The following OR4F16 variants were observed in gnomAD, a reference collection of about 807,000 sequenced individuals.
OR4F16 encodes the protein olfactory receptor family 4 subfamily F member 16.
chr1:713,261 TGAAA>T, the OR4F16 span, among the ~76,000 whole-genome samples: 2 of 37,756 alleles, frequency 5.3e-5, no homozygotes, highest in African/African-American at 1.7e-4. Flanking sequence ...CATTGAAGAC[TGAAA>T]GAAAGAAAAA....
the OR4F16 span, among the ~76,000 whole-genome samples, chr1:701,732 T>C: frequency 2.7e-5 from 4 of 149,892 alleles, no homozygotes; most frequent in African/African-American, 1.0e-4. Flanking sequence ...TGAGAACTCA[T>C]GAACACAAAG....
chr1:715,776 G>A, the OR4F16 span, among the ~76,000 whole-genome samples: 2 of 147,640 alleles, frequency 1.4e-5, no homozygotes, highest in African/African-American at 2.6e-5. Context: ...AGGCTGCAAT[G>A]AGCTGTGATT....
downstream of OR4F16, among the ~76,000 whole-genome samples, chr1:682,581 GA>G (rs1642997981): frequency 9.0e-6 from 1 of 111,086 alleles, no homozygotes; most frequent in Admixed American, 9.3e-5. Flanking sequence ...CCTGCTACAG[GA>G]GGTTACCCTC....
chr1:702,455 A>G, the OR4F16 span: 937 of 140,810 alleles, frequency 6.7e-3, no homozygotes, highest in African/African-American at 0.023. Context: ...TGTATTCCTA[A>G]TTGTAATAGC....
the OR4F16 span, among the ~76,000 whole-genome samples, chr1:679,786 C>A: frequency 4.6e-5 from 3 of 65,218 alleles, no homozygotes; most frequent in African/African-American, 6.5e-5. Flanking sequence ...ACCAGAGGTA[C>A]AAAGAGGAGC....
At chr1:715,854 A>G in the OR4F16 span, among the ~76,000 whole-genome samples, 2 of 151,254 alleles carry the variant, frequency 1.3e-5, no homozygotes, top group Non-Finnish European at 2.9e-5. Flanking sequence ...AAAAATCACT[A>G]AGCAAAATAA....
At chr1:701,438 ATTAAAG>A in the OR4F16 span, among the ~76,000 whole-genome samples, 3 of 149,920 alleles carry the variant, frequency 2.0e-5, no homozygotes, top group Non-Finnish European at 4.4e-5. Flanking sequence ...CTTTTAAGAA[ATTAAAG>A]TTAGATTTAT....
the OR4F16 span, among the ~76,000 whole-genome samples, chr1:679,889 A>C: frequency 8.1e-6 from 1 of 123,386 alleles, no homozygotes; most frequent in East Asian, 2.4e-4. Flanking sequence ...TCTGGTACCA[A>C]AATTTGGCAG....
chr1:715,851 A>G, the OR4F16 span, among the ~76,000 whole-genome samples: 1 of 151,312 alleles, frequency 6.6e-6, no homozygotes, highest in Non-Finnish European at 1.5e-5. Flanking sequence ...AAGAAAAATC[A>G]CTAAGCAAAA....
chr1:682,958 AT>A (rs1259915340), downstream of OR4F16, among the ~76,000 whole-genome samples: 1 of 83,598 alleles, frequency 1.2e-5, no homozygotes, highest in African/African-American at 4.3e-5. Flanking sequence ...GAATATGTGT[AT>A]TTTTAAGCAA....
chr1:717,652 AC>A, the OR4F16 span, among the ~76,000 whole-genome samples: 2 of 13,150 alleles, frequency 1.5e-4, no homozygotes, highest in African/African-American at 2.8e-4. Flanking sequence ...TTTATTTTCT[AC>A]ATAATTTAAA....
the OR4F16 span, among the ~76,000 whole-genome samples, chr1:679,950 C>T: frequency 3.3e-4 from 44 of 135,116 alleles, 5 homozygotes; most frequent in East Asian, 2.2e-4. Context: ...TGATGAACAT[C>T]GATGCAAAAA....
upstream of OR4F16, among the ~76,000 whole-genome samples, chr1:690,941 A>G (rs2808330): frequency 0.016 from 2,090 of 129,496 alleles, 5 homozygotes; most frequent in African/African-American, 0.031. Flanking sequence ...ATAAATATTC[A>G]AGGTGATGAA....
chr1:708,740 T>C, the OR4F16 span, among the ~76,000 whole-genome samples: 6 of 21,080 alleles, frequency 2.8e-4, no homozygotes, highest in East Asian at 3.0e-3. Context: ...GTTACCCAGA[T>C]GGGCCCAGTC....
the OR4F16 span, among the ~76,000 whole-genome samples, chr1:676,900 A>T: frequency 1.8e-5 from 2 of 110,072 alleles, 1 homozygote; most frequent in Middle Eastern, 8.7e-3. Context: ...TGGGTCCCTA[A>T]CCCCCGTGTA....
chr1:701,974 C>T, the OR4F16 span: 4 of 148,814 alleles, frequency 2.7e-5, no homozygotes, highest in Admixed American at 2.7e-4. Flanking sequence ...ATGAAAAACA[C>T]AAATCTTTCA....
At chr1:701,512 G>A in the OR4F16 span, among the ~76,000 whole-genome samples, 2 of 150,326 alleles carry the variant, frequency 1.3e-5, no homozygotes, top group African/African-American at 5.0e-5. Context: ...CTTCCAGAGA[G>A]GTTCTGTCAG....
chr1:701,203 G>T, the OR4F16 span, among the ~76,000 whole-genome samples: 906 of 141,124 alleles, frequency 6.4e-3, 10 homozygotes, highest in Non-Finnish European at 9.4e-3. Context: ...TGGTCCTTAA[G>T]GAGACTGAAA....
upstream of OR4F16, among the ~76,000 whole-genome samples, chr1:691,096 A>C (rs1484124548): frequency 2.7e-5 from 4 of 150,640 alleles, no homozygotes; most frequent in Non-Finnish European, 1.5e-5. Context: ...TAAATACATA[A>C]ATACATAAAA....
Sources: gnomAD v4.1 joint callset for allele counts (sites outside exome capture counted in the v4.1 genomes callset) on GRCh38, gnomAD v4.1.1 for gene constraint, MANE v1.5 for transcripts, NCBI Gene and HGNC (gene_info 2026-07-23, HGNC 2026-07-21) for gene names.